MSI2: variants seen among roughly 807,000 people sequenced by gnomAD.
MSI2 encodes musashi RNA binding protein 2, also known as RNA-binding protein Musashi homolog 2.
MSI2 carries 17 observed loss-of-function variants against 45.6 expected under a neutral mutation model. That is an observed-to-expected ratio of 0.37 (90% CI 0.26 to 0.56). The LOEUF is 0.56. MSI2 is among the 20% of genes least tolerant of loss of function. The probability of loss-of-function intolerance (pLI) is 0.77; values close to 1 mark genes in which losing one functional copy is unlikely to be tolerated. For synonymous variants in MSI2, 156 were observed against 158.2 expected (o/e 0.99, Z 0.11); for missense variants, 293 against 444.2 (o/e 0.66, Z 3.06).
rs1316654015 is a variant in MSI2, at chr17:57,433,447, C to T, written c.405+31976C>T. On this transcript the variant is annotated intron_variant, in intron 6 of 13. Transcript: ENST00000284073. ...TGATGCATCCACAAGCCATGGGACA[C>T]CAAGGATTGCTAGGAGCCCCCAGAA... Among the ~76,000 whole-genome samples, 15 of 152,052 alleles carry T rather than the reference C, an allele frequency of 9.9e-5. No individual in the cohort carries two copies. In the South Asian group the frequency reaches 1.2e-3, roughly 13 times the overall value.
At chr17:57,257,438 C>G (rs771928544) in intron 2 of MSI2, 28 bp from the exon 3 acceptor site, 32 of 1,207,084 alleles carry the variant, frequency 2.7e-5, no homozygotes, top group Non-Finnish European at 3.7e-5. Context: ...TCTCTCCCCC[C>G]CCCATCTCTC....
chr17:57,537,691 C>T lies in MSI2; in HGVS notation c.454+7967C>T, dbSNP rs149670284. 9.6e-3 allele frequency among the ~76,000 whole-genome samples: 1,458 copies of T among 152,266 alleles called. 15 individuals carry two copies. The highest frequency in any genetic ancestry group is 0.035 in the South Asian group (167 of 4,816). ...TCAATTCCGGAAGCGCCCATTCCGG[C>T]GCTGTCTCTTGAGATATTAATCAAC... is the stretch of plus-strand genomic sequence containing the variant. On this transcript the variant is annotated intron_variant, in intron 7 of 13. Transcript: ENST00000284073.
At chr17:57,321,206 C>G (rs975631908) in intron 5 of MSI2, among the ~76,000 whole-genome samples, 1 of 151,942 alleles carries the variant, frequency 6.6e-6, no homozygotes, top group African/African-American at 2.4e-5. Context: ...GACCAGGAGT[C>G]TCTTATTCCA....
At chr17:57,517,958 G>A (rs145647060) in intron 6 of MSI2, among the ~76,000 whole-genome samples, 352 of 152,240 alleles carry the variant, frequency 2.3e-3, no homozygotes, top group African/African-American at 8.0e-3. Context: ...TTTCATCTGT[G>A]CTCTGCAACC....
At chr17:57,490,297 T>TA (rs1351303489) in intron 6 of MSI2, among the ~76,000 whole-genome samples, 4 of 152,260 alleles carry the variant, frequency 2.6e-5, no homozygotes, top group Non-Finnish European at 5.9e-5. Flanking sequence ...TTTGTTCTCT[T>TA]AAGTCTAATA....
rs1323885228 is a variant in MSI2, at chr17:57,652,722, C to G, written c.790+561C>G. Among the ~76,000 whole-genome samples, 1 of 152,226 alleles carries G rather than the reference C, an allele frequency of 6.6e-6. No individual in the cohort carries two copies. The highest frequency in any genetic ancestry group is 2.4e-5 in the African/African-American group (1 of 41,456). ...TCCCAGACTCTTCTTAGCCAGACTC[C>G]TCAGCTCCAGCTGCCAAGGGAATTG... On this transcript the variant is annotated intron_variant, in intron 11 of 13. Transcript: ENST00000284073. The surrounding 1 kb of genome is among the most constrained non-coding windows in gnomAD (Gnocchi z 4.1).
Position 57,652,906 on chromosome 17 carries a change from C to G in MSI2, c.790+745C>G, listed in dbSNP as rs1036565500. Among the ~76,000 whole-genome samples the G allele has an allele frequency of 6.6e-6, 1 of 152,176 alleles. No individual in the cohort carries two copies. Among genetic ancestry groups the G allele is most frequent in the African/African-American group, 2.4e-5 (1 of 41,446 alleles). On this transcript the variant is annotated intron_variant, in intron 11 of 13. Transcript: ENST00000284073. This position sits in a 1 kb window ranked among gnomAD's most constrained non-coding sequence, Gnocchi z 4.1. ...CCAGGGTGCCCGGGGTCCCTTTTGT[C>G]CCTCTCCCCAGAATGCTTTCTGCCT... is the stretch of plus-strand genomic sequence containing the variant.
At chr17:57,353,518 T>G (rs1464552285) in intron 5 of MSI2, among the ~76,000 whole-genome samples, 1 of 152,208 alleles carries the variant, frequency 6.6e-6, no homozygotes. Context: ...ACCTAAGATA[T>G]TCTAAGGGAA....
At chr17:57,390,420 G>A (rs1179682711) in intron 5 of MSI2, among the ~76,000 whole-genome samples, 1 of 152,120 alleles carries the variant, frequency 6.6e-6, no homozygotes, top group Non-Finnish European at 1.5e-5. Context: ...CTGAGGGTGG[G>A]GCCCAGGTAT....
chr17:57,543,701 G>T (rs1207388722), intron 7 of MSI2, among the ~76,000 whole-genome samples: 16 of 152,106 alleles, frequency 1.1e-4, no homozygotes, highest in Non-Finnish European at 8.8e-5. Flanking sequence ...ATGAGGAGAC[G>T]TCGTTTGAAA....
intron 7 of MSI2, among the ~76,000 whole-genome samples, chr17:57,530,004 T>C (rs1332975532): frequency 1.3e-5 from 2 of 152,230 alleles, no homozygotes; most frequent in African/African-American, 4.8e-5. Flanking sequence ...AATCCTGCCT[T>C]TCTGGGTCCC....
rs142397523 is a variant in MSI2, at chr17:57,594,787, TACTGGGTG to T, written c.455-2078_455-2071del. On this transcript the variant is annotated intron_variant, in intron 7 of 13. Coordinates refer to ENST00000284073, the MANE Select transcript of MSI2 (RefSeq NM_138962.4). ...CTGAGGTAACTGAGAACCTAGCTTT[TACTGGGTG>T]ACACTGGGAGAAACTCGGCATCTTT... Among the ~76,000 whole-genome samples the T allele has an allele frequency of 5.3e-3, 808 of 152,334 alleles. 5 individuals carry two copies. Among genetic ancestry groups the T allele is most frequent in the African/African-American group, 0.019 (773 of 41,572 alleles).
chr17:57,509,560 A>G (rs995633171), intron 6 of MSI2, among the ~76,000 whole-genome samples: 1 of 152,126 alleles, frequency 6.6e-6, no homozygotes, highest in African/African-American at 2.4e-5. Context: ...AGCTGGGATT[A>G]CACACATCTG....
chr17:57,571,564 G>T (rs2087878698), intron 7 of MSI2, among the ~76,000 whole-genome samples: 1 of 152,180 alleles, frequency 6.6e-6, no homozygotes, highest in Non-Finnish European at 1.5e-5. Context: ...TCTCCTCTTG[G>T]ATTCGTGGTG....
At chr17:57,400,528 G>T (rs927300274) in intron 5 of MSI2, among the ~76,000 whole-genome samples, 1 of 152,124 alleles carries the variant, frequency 6.6e-6, no homozygotes, top group African/African-American at 2.4e-5. Flanking sequence ...GAGGAGTCAA[G>T]AGCTTATTGT....
intron 5 of MSI2, among the ~76,000 whole-genome samples, chr17:57,365,654 G>C (rs770646838): frequency 6.6e-6 from 1 of 152,128 alleles, no homozygotes; most frequent in Non-Finnish European, 1.5e-5. Flanking sequence ...GTGAGCTCAC[G>C]GCTCAGTGTA....
At chr17:57,638,655 C>A (rs1356871791) in intron 10 of MSI2, among the ~76,000 whole-genome samples, 2 of 152,112 alleles carry the variant, frequency 1.3e-5, no homozygotes, top group African/African-American at 2.4e-5. Flanking sequence ...ATTGGGAGGC[C>A]AAGGCGGGAG....
intron 5 of MSI2, among the ~76,000 whole-genome samples, chr17:57,306,763 GA>G (rs1327370942): frequency 3.3e-5 from 5 of 152,006 alleles, no homozygotes; most frequent in African/African-American, 1.2e-4. Context: ...ATTTATTTTT[GA>G]GTTGGAGTTT....
At chr17:57,421,862 C>A (rs564167684) in intron 6 of MSI2, among the ~76,000 whole-genome samples, 37 of 151,930 alleles carry the variant, frequency 2.4e-4, no homozygotes, top group African/African-American at 8.0e-4. Flanking sequence ...ATCTCAAAAC[C>A]ACAAAAATAA....
Sources: gnomAD v4.1 joint callset for allele counts (sites outside exome capture counted in the v4.1 genomes callset) on GRCh38, gnomAD v4.1.1 for gene constraint, Gnocchi (gnomAD v3.1) non-coding constraint, MANE v1.5 for transcripts, NCBI Gene and HGNC (gene_info 2026-07-23, HGNC 2026-07-21) for gene names.